GRIA4: variants seen among roughly 807,000 people sequenced by gnomAD.
GRIA4 encodes the protein glutamate ionotropic receptor AMPA type subunit 4, also known as glutamate receptor 4.
Under a neutral mutation model 104.0 loss-of-function variants are expected in GRIA4, and 34 were observed. That is an observed-to-expected ratio of 0.33 (90% CI 0.25 to 0.44). GRIA4 has a LOEUF of 0.44. Among genes scored for constraint, GRIA4 ranks in the 20% least tolerant of loss-of-function variants. The probability of loss-of-function intolerance (pLI) is 1.00; values close to 1 mark genes in which losing one functional copy is unlikely to be tolerated. For missense variants in GRIA4, 750 were observed against 1,096.5 expected (o/e 0.68, Z 4.46); for synonymous variants, 386 against 381.9 (o/e 1.01, Z -0.13).
chr11:105,709,010 C>A, intron 3 of GRIA4, among the ~76,000 whole-genome samples: 1 of 151,868 alleles, frequency 6.6e-6, no homozygotes, highest in African/African-American at 2.4e-5. Flanking sequence ...CATCCATTCT[C>A]CAATTAAAAA....
chr11:105,643,550 C>A (rs1951431577), intron 3 of GRIA4, among the ~76,000 whole-genome samples: 1 of 152,122 alleles, frequency 6.6e-6, no homozygotes, highest in South Asian at 2.1e-4. Context: ...ATATCCTTGG[C>A]TCTCTTTCGT....
intron 10 of GRIA4, among the ~76,000 whole-genome samples, chr11:105,913,969 AT>A (rs1352814695): frequency 1.3e-5 from 2 of 151,890 alleles, no homozygotes; most frequent in African/African-American, 4.8e-5. Flanking sequence ...GATGTTTGAT[AT>A]TTTTTCTTCT....
At chr11:105,733,037 A>G (rs905842170) in intron 3 of GRIA4, among the ~76,000 whole-genome samples, 2 of 152,188 alleles carry the variant, frequency 1.3e-5, no homozygotes, top group Non-Finnish European at 2.9e-5. Context: ...CTCTTATATT[A>G]TCTTCTTTCC....
intron 14 of GRIA4, among the ~76,000 whole-genome samples, chr11:105,936,004 A>G (rs1401553206): frequency 6.6e-6 from 1 of 152,128 alleles, no homozygotes; most frequent in Non-Finnish European, 1.5e-5. Context: ...TGTTTTATAT[A>G]TGCCACAATT....
rs1859185158 is a variant in GRIA4, at chr11:105,979,774, T to A, written c.*35T>A. 3.3e-6 allele frequency: 5 copies of A among 1,533,360 alleles called. No individual in the cohort carries two copies. In the South Asian group the frequency reaches 4.5e-5, roughly 14 times the overall value. 95.0% of individuals were successfully genotyped at this position (1,533,360 alleles called of 1,614,324 possible). ...AAATAATTGAGTGCCTTAATTAAACTGTTGGTGACTGGTGGAAACGCAGCC... is the reference window on the plus strand; with the variant it reads ...AAATAATTGAGTGCCTTAATTAAACAGTTGGTGACTGGTGGAAACGCAGCC... On this transcript the variant is annotated 3_prime_UTR_variant, in exon 17 of 17. Transcript: ENST00000282499.
At chr11:105,900,008 G>A (rs1473371146) in intron 7 of GRIA4, among the ~76,000 whole-genome samples, 1 of 152,064 alleles carries the variant, frequency 6.6e-6, no homozygotes, top group Non-Finnish European at 1.5e-5. Context: ...GCACTAAATA[G>A]AACACAAAAA....
intron 3 of GRIA4, among the ~76,000 whole-genome samples, chr11:105,657,904 T>C (rs1176370427): frequency 6.6e-6 from 1 of 151,878 alleles, no homozygotes; most frequent in Non-Finnish European, 1.5e-5. Flanking sequence ...TATTTTTTTC[T>C]CAATTTTGCT....
intron 14 of GRIA4, among the ~76,000 whole-genome samples, chr11:105,955,416 T>G (rs191319484): frequency 6.6e-6 from 1 of 152,188 alleles, no homozygotes; most frequent in African/African-American, 2.4e-5. Flanking sequence ...GGATGATGGC[T>G]TCCAGCTTCA....
chr11:105,918,960 T>C (rs546748865), intron 11 of GRIA4, 42 bp downstream of exon 11: 2 of 1,150,570 alleles, frequency 1.7e-6, no homozygotes, highest in Non-Finnish European at 2.6e-6. Flanking sequence ...TACATACACC[T>C]GAAACTTCTT....
intron 3 of GRIA4, among the ~76,000 whole-genome samples, chr11:105,662,089 G>T (rs1348859031): frequency 6.6e-6 from 1 of 151,694 alleles, no homozygotes; most frequent in Non-Finnish European, 1.5e-5. Context: ...TGAATGCAAT[G>T]TGGCAAAGCA....
At chr11:105,866,559 A>G (rs1311542537) in intron 5 of GRIA4, among the ~76,000 whole-genome samples, 2 of 111,164 alleles carry the variant, frequency 1.8e-5, no homozygotes, top group African/African-American at 3.3e-5. Context: ...GTGTATATAT[A>G]TATATATATA....
intron 3 of GRIA4, among the ~76,000 whole-genome samples, chr11:105,665,658 A>G (rs1447558227): frequency 1.3e-5 from 2 of 152,042 alleles, no homozygotes; most frequent in African/African-American, 2.4e-5. Flanking sequence ...TGTTTTTAAT[A>G]CAGCCAAAAT....
chr11:105,837,146 C>G (rs562130423), intron 4 of GRIA4, among the ~76,000 whole-genome samples: 1 of 152,182 alleles, frequency 6.6e-6, no homozygotes, highest in East Asian at 1.9e-4. Context: ...CTCATTAGAA[C>G]TTACTCACTA....
chr11:105,840,571 A>G (rs1041132593), intron 4 of GRIA4, among the ~76,000 whole-genome samples: 5 of 152,180 alleles, frequency 3.3e-5, no homozygotes, highest in African/African-American at 4.8e-5. Flanking sequence ...GTTGTGCTGT[A>G]TAATATTGGT....
At chr11:105,680,189 C>T (rs1952664698) in intron 3 of GRIA4, among the ~76,000 whole-genome samples, 1 of 152,076 alleles carries the variant, frequency 6.6e-6, no homozygotes, top group Admixed American at 6.6e-5. Context: ...GAAAGTAAGA[C>T]CTCTATGCCA....
At chr11:105,794,569 T>G (rs1942401156) in intron 4 of GRIA4, among the ~76,000 whole-genome samples, 1 of 141,520 alleles carries the variant, frequency 7.1e-6, no homozygotes, top group Non-Finnish European at 1.5e-5. Flanking sequence ...TCTATCTATA[T>G]CTATCTATAT....
chr11:105,903,506 G>T (rs1241786235), intron 7 of GRIA4, among the ~76,000 whole-genome samples: 1 of 152,154 alleles, frequency 6.6e-6, no homozygotes, highest in African/African-American at 2.4e-5. Context: ...TTTGTACTGG[G>T]ACACAACAGA....
chr11:105,932,969 T>C (rs1037310474), intron 13 of GRIA4, among the ~76,000 whole-genome samples: 4 of 152,170 alleles, frequency 2.6e-5, no homozygotes, highest in Admixed American at 6.6e-5. Flanking sequence ...CCAGACATGG[T>C]GGCTCACACC....
chr11:105,944,583 GGA>G (rs1491349384), intron 14 of GRIA4, among the ~76,000 whole-genome samples: 24 of 22,676 alleles, frequency 1.1e-3, no homozygotes, highest in African/African-American at 1.6e-3. Flanking sequence ...CTACATAAAT[GGA>G]AAAAAAAAAG....
Sources: allele counts gnomAD v4.1 joint callset (sites outside exome capture counted in the v4.1 genomes callset), GRCh38; gene constraint gnomAD v4.1.1; transcripts MANE v1.5; gene names NCBI Gene and HGNC (gene_info 2026-07-23, HGNC 2026-07-21).